Variants in ITGAE observed in about 807,000 individuals in gnomAD.
ITGAE encodes the protein integrin subunit alpha E, also known as integrin alpha-E.
ITGAE carries 99 observed loss-of-function variants against 136.5 expected under a neutral mutation model. The observed-to-expected ratio is 0.73, with a 90% CI of 0.62 to 0.86. ITGAE has a LOEUF of 0.86. Among genes scored for constraint, ITGAE ranks in the 40% least tolerant of loss-of-function variants. ITGAE has a pLI of 0.00. For synonymous variants in ITGAE, 613 were observed against 591.8 expected, an observed-to-expected ratio of 1.04 and a Z score of -0.52; for missense variants, 1,447 against 1,515.3, an observed-to-expected ratio of 0.95 and a Z score of 0.75.
At chr17:3,772,454 A>T (rs2143248949) in intron 2 of ITGAE, among the ~76,000 whole-genome samples, 1 of 151,496 alleles carries the variant, frequency 6.6e-6, no homozygotes, top group East Asian at 1.9e-4. Context: ...ACTTAAATCT[A>T]ATGGTGAGCA....
intron 18 of ITGAE, among the ~76,000 whole-genome samples, chr17:3,745,495 T>C (rs7221239): frequency 1 from 152,233 of 152,234 alleles, 76,116 homozygotes; most frequent in Non-Finnish European, 1. Context: ...GCACCCGCCA[T>C]CACGCCCGGC....
At chr17:3,762,156 C>T (rs2052188695) in intron 3 of ITGAE, among the ~76,000 whole-genome samples, 174 bp from the exon 4 acceptor site, 1 of 152,202 alleles carries the variant, frequency 6.6e-6, no homozygotes, top group South Asian at 2.1e-4. Flanking sequence ...GGACTGGACA[C>T]GTTCAGGGCC....
Position 3,739,745 on chromosome 17 carries a change from G to T in ITGAE, c.2522+60C>A, listed in dbSNP as rs568306789. On this transcript the variant is annotated intron_variant, in intron 20 of 30. Coordinates refer to ENST00000263087, the MANE Select transcript of ITGAE (RefSeq NM_002208.5). ...TGCAGGGTGTCCTAATGAAGGAATT[G>T]CCCAGGCAAGCGTTCGGGAGAAGGT... The T allele has an allele frequency of 1.1e-4, 164 of 1,433,064 alleles. 1 individual carries two copies. The East Asian group carries it at 1.9e-3, about 17-fold the overall frequency. The allele number at this position is 1,433,064 out of a possible 1,614,324, so 88.8% of individuals were successfully genotyped here.
intron 26 of ITGAE, chr17:3,725,642 C>T (rs2051192011): frequency 6.2e-7 from 1 of 1,605,504 alleles, no homozygotes; most frequent in East Asian, 2.2e-5. Context: ...AGGGATCTTA[C>T]CCTCCCTTGC....
intron 2 of ITGAE, among the ~76,000 whole-genome samples, chr17:3,776,347 C>A (rs563131439): frequency 2.0e-5 from 3 of 151,476 alleles, no homozygotes; most frequent in Non-Finnish European, 4.4e-5. Flanking sequence ...CGTGAGCCAC[C>A]GCGCCCGGCA....
chr17:3,725,618 A>G, intron 26 of ITGAE: 1 of 1,613,482 alleles, frequency 6.2e-7, no homozygotes, highest in Non-Finnish European at 8.5e-7. Flanking sequence ...GGCTGAACTC[A>G]GTGCACTGTG....
intron 1 of ITGAE, among the ~76,000 whole-genome samples, chr17:3,792,949 G>A (rs79700548): frequency 0.036 from 5,484 of 152,262 alleles, 135 homozygotes; most frequent in Middle Eastern, 0.051. Context: ...GCAGACCTGT[G>A]ATTTGTGTCC....
At chr17:3,782,511 G>A (rs1283422231) in intron 1 of ITGAE, among the ~76,000 whole-genome samples, 1 of 151,578 alleles carries the variant, frequency 6.6e-6, no homozygotes, top group Non-Finnish European at 1.5e-5. Flanking sequence ...GGGATTACAG[G>A]TACACACCAC....
At chr17:3,782,567 C>T (rs567802372) in intron 1 of ITGAE, among the ~76,000 whole-genome samples, 3 of 151,890 alleles carry the variant, frequency 2.0e-5, no homozygotes, top group Admixed American at 6.6e-5. Context: ...AGGTTTTCAC[C>T]GTGTTGGCCA....
chr17:3,734,673 T>G, intron 21 of ITGAE, 144 bp downstream of exon 21: 2 of 969,670 alleles, frequency 2.1e-6, no homozygotes, highest in Non-Finnish European at 3.1e-6. Flanking sequence ...CTGGCGGGGA[T>G]TTATCTAGTT....
intron 1 of ITGAE, among the ~76,000 whole-genome samples, chr17:3,782,709 C>T (rs17822998): frequency 0.1 from 15,305 of 152,096 alleles, 868 homozygotes; most frequent in East Asian, 0.18. Flanking sequence ...AGTTTACAGA[C>T]TTACCTGTTC....
At chr17:3,788,694 A>ATTAAAAATAATTATTAAAATAATTAT (rs1555527451) in intron 1 of ITGAE, among the ~76,000 whole-genome samples, 2,894 of 60,816 alleles carry the variant, frequency 0.048, 708 homozygotes, top group African/African-American at 0.13. Flanking sequence ...AAAAGTCTAC[A>ATTAAAAATAATTATTAAAATAATTAT]TTAAAAATAA....
In ITGAE at chr17:3,798,786, A is replaced by C. The variant is rs1288965449; in HGVS notation, c.34+2325T>G. 6.6e-6 allele frequency among the ~76,000 whole-genome samples: 1 copy of C among 152,204 alleles called. No individual in the cohort carries two copies. The highest frequency in any genetic ancestry group is 1.5e-5 in the Non-Finnish European group (1 of 68,034). ...AGACCCAGGATGGAGAAGTGAGTTG[A>C]TGTGACTGCAGAATGAGTCAGGGGT... On this transcript the variant is annotated intron_variant, in intron 1 of 30. Coordinates refer to ENST00000263087, the MANE Select transcript of ITGAE (RefSeq NM_002208.5). The surrounding 1 kb of genome is among the most constrained non-coding windows in gnomAD (Gnocchi z 4.3).
At chr17:3,755,365 G>A (rs897297241) in intron 11 of ITGAE, 104 bp from the exon 12 acceptor site, 428 of 1,346,606 alleles carry the variant, frequency 3.2e-4, no homozygotes, top group Non-Finnish European at 4.1e-4. Flanking sequence ...GCTGGGAGCA[G>A]GGGGGCGTTC....
chr17:3,751,701 ACTGCCGAAGCTGGCACCATCAT>A lies in ITGAE; in HGVS notation c.1820_1841del (p.Asp607ValfsTer69). On this transcript the variant is annotated frameshift_variant, in exon 15 of 31. Coordinates refer to ENST00000263087, the MANE Select transcript of ITGAE (RefSeq NM_002208.5). LOFTEE classifies it high-confidence loss of function. ...CCCAGTGTCCATTGTAGATATACACACTGCCGAAGCTGGCACCATCATCTGCCCCAAAACCTTCCAGGGGGGC... is the reference window on the plus strand; with the variant it reads ...CCCAGTGTCCATTGTAGATATACACACTGCCCCAAAACCTTCCAGGGGGGC... The A allele has an allele frequency of 6.2e-7, 1 of 1,614,012 alleles. No individual in the cohort carries two copies. Among genetic ancestry groups the A allele is most frequent in the Non-Finnish European group, 8.5e-7 (1 of 1,179,962 alleles).
chr17:3,800,577 C>T (rs763379196), intron 1 of ITGAE, among the ~76,000 whole-genome samples: 5 of 152,208 alleles, frequency 3.3e-5, no homozygotes, highest in African/African-American at 7.2e-5. Flanking sequence ...CCCCCCACCC[C>T]ACATTCCAGT....
At chr17:3,766,506 GATA>G (rs1037711438) in intron 2 of ITGAE, among the ~76,000 whole-genome samples, 10 of 152,072 alleles carry the variant, frequency 6.6e-5, no homozygotes, top group Non-Finnish European at 1.3e-4. Flanking sequence ...AAAACTACAA[GATA>G]ATAAACTTGC....
chr17:3,726,575 C>A (rs1201348291), intron 26 of ITGAE: 1 of 470,476 alleles, frequency 2.1e-6, no homozygotes, highest in Non-Finnish European at 3.8e-6. Flanking sequence ...CGCCTGTAGT[C>A]CCAGCTACTC....
At chr17:3,720,019 G>A (rs760470401) in intron 29 of ITGAE, among the ~76,000 whole-genome samples, 1 of 151,994 alleles carries the variant, frequency 6.6e-6, no homozygotes, top group Non-Finnish European at 1.5e-5. Context: ...AGCCACCTGC[G>A]CCCAGCTGCG....
Sources: gnomAD v4.1 joint callset for allele counts (sites outside exome capture counted in the v4.1 genomes callset) on GRCh38, gnomAD v4.1.1 for gene constraint, Gnocchi (gnomAD v3.1) non-coding constraint, MANE v1.5 for transcripts, NCBI Gene and HGNC (gene_info 2026-07-23, HGNC 2026-07-21) for gene names.